CTNND2: variants seen among roughly 807,000 people sequenced by gnomAD.
CTNND2 encodes catenin delta-2.
In CTNND2, 22 loss-of-function variants were observed where a neutral mutation model predicts 144.4. The ratio of observed to expected loss-of-function variants is 0.15; its 90% CI spans 0.11 to 0.22. The LOEUF is 0.22. Ranked by LOEUF, CTNND2 falls within the 10% of genes least tolerant of loss-of-function variation. The pLI, the probability that CTNND2 is intolerant of heterozygous loss-of-function variation, is 1.00. For synonymous variants in CTNND2, 751 were observed against 695.6 expected (o/e 1.08, Z -1.25); for missense variants, 1,353 against 1,618.8 (o/e 0.84, Z 2.82).
At chr5:11,811,310 G>A (rs1479412078) in intron 1 of CTNND2, among the ~76,000 whole-genome samples, 1 of 152,084 alleles carries the variant, frequency 6.6e-6, no homozygotes, top group Admixed American at 6.6e-5. Context: ...TGCTGCCTTG[G>A]GGACTTAAAA....
At chr5:11,819,586 A>G (rs1011682265) in intron 1 of CTNND2, among the ~76,000 whole-genome samples, 1 of 152,248 alleles carries the variant, frequency 6.6e-6, no homozygotes, top group African/African-American at 2.4e-5. Context: ...TAGCTGTGAC[A>G]GCAGCAACTA....
intron 1 of CTNND2, among the ~76,000 whole-genome samples, chr5:11,813,780 C>A (rs1469841611): frequency 6.6e-6 from 1 of 152,196 alleles, no homozygotes; most frequent in African/African-American, 2.4e-5. Flanking sequence ...TCCCAAAGCA[C>A]TGGGATTAAA....
At chr5:11,457,488 A>G (rs1765837446) in intron 3 of CTNND2, among the ~76,000 whole-genome samples, 1 of 152,190 alleles carries the variant, frequency 6.6e-6, no homozygotes, top group Non-Finnish European at 1.5e-5. Context: ...TTTTAAGACA[A>G]TAAGAAATGA....
rs1197218474 is a variant in CTNND2, at chr5:11,384,801, G to A, written c.1041C>T (p.His347=). ...VQSTISSSPI[H]QLSSTIGTYA... ...ACGTGCCGATGGTGGAGCTCAGCTG[G>A]TGGATGGGCGAGGAGGAGATGGTGG... Residue 347 remains histidine (H), a synonymous_variant, in exon 7 of 22, where the codon CAC becomes CAT. Transcript: ENST00000304623. The surrounding 1 kb of genome is among the most constrained non-coding windows in gnomAD (Gnocchi z 5.2). 2 of 1,613,264 alleles carry A rather than the reference G, an allele frequency of 1.2e-6. No homozygotes were observed. The highest frequency in any genetic ancestry group is 1.3e-5 in the African/African-American group (1 of 74,904).
intron 11 of CTNND2, among the ~76,000 whole-genome samples, chr5:11,182,082 A>G (rs1197337892): frequency 1.8e-3 from 95 of 52,922 alleles, no homozygotes; most frequent in Admixed American, 2.3e-3. Flanking sequence ...TGTGTGTGGT[A>G]TGTGTGGGGT....
chr5:11,895,211 C>T (rs374017331), intron 1 of CTNND2, among the ~76,000 whole-genome samples: 5 of 152,306 alleles, frequency 3.3e-5, no homozygotes, highest in African/African-American at 1.2e-4. Flanking sequence ...CTTGCCTTTT[C>T]ACACAGTGAT....
intron 1 of CTNND2, among the ~76,000 whole-genome samples, chr5:11,844,614 C>A (rs1794645376): frequency 6.6e-6 from 1 of 151,816 alleles, no homozygotes; most frequent in African/African-American, 2.4e-5. Context: ...TCTGGCATAT[C>A]CCAGAACTCT....
chr5:11,498,722 T>C (rs1385498907), intron 3 of CTNND2, among the ~76,000 whole-genome samples: 4 of 152,252 alleles, frequency 2.6e-5, no homozygotes, highest in Non-Finnish European at 5.9e-5. Flanking sequence ...AATTTTTATA[T>C]TGCAAAAATG....
chr5:10,979,260 A>G (rs1461130917), intron 21 of CTNND2, among the ~76,000 whole-genome samples: 2 of 152,240 alleles, frequency 1.3e-5, no homozygotes, highest in Non-Finnish European at 2.9e-5. Flanking sequence ...CATTTCTAAT[A>G]CATTTTGTTT....
intron 11 of CTNND2, among the ~76,000 whole-genome samples, chr5:11,198,650 T>C (rs61751785): frequency 5.6e-4 from 86 of 152,334 alleles, no homozygotes; most frequent in African/African-American, 2.0e-3. Context: ...TGGGGTACTT[T>C]TTGATGAACT....
At chr5:11,152,328 G>A (rs188081009) in intron 12 of CTNND2, among the ~76,000 whole-genome samples, 57 of 152,260 alleles carry the variant, frequency 3.7e-4, no homozygotes, top group African/African-American at 1.3e-3. Context: ...GTATGGATAC[G>A]TTTAGATAGA....
intron 3 of CTNND2, among the ~76,000 whole-genome samples, chr5:11,496,961 T>C (rs900400424): frequency 6.6e-6 from 1 of 152,142 alleles, no homozygotes; most frequent in Admixed American, 6.5e-5. Flanking sequence ...CTGCCTGATA[T>C]CGGCATATTA....
rs182031647 is a variant in CTNND2, at chr5:11,153,655, G to A, written c.2159+5921C>T. Among the ~76,000 whole-genome samples, 112 of 152,250 alleles carry A rather than the reference G, an allele frequency of 7.4e-4. 1 individual carries two copies. Among genetic ancestry groups the A allele is most frequent in the African/African-American group, 2.6e-3 (106 of 41,546 alleles). On this transcript the variant is annotated intron_variant, in intron 12 of 21. Coordinates refer to ENST00000304623, the MANE Select transcript of CTNND2 (RefSeq NM_001332.4). ...TGAGGGTCTGAGTTTAATTACAATC[G>A]TAAGCAAAGGCACAGTGCAGATACT...
chr5:11,332,216 G>A (rs531176361), intron 9 of CTNND2, among the ~76,000 whole-genome samples: 16 of 151,284 alleles, frequency 1.1e-4, no homozygotes, highest in South Asian at 4.2e-4. Flanking sequence ...CGGAGGTTTC[G>A]GTGAGTGGAG....
At chr5:11,146,490 G>T (rs1433144919) in intron 12 of CTNND2, among the ~76,000 whole-genome samples, 3 of 152,062 alleles carry the variant, frequency 2.0e-5, no homozygotes, top group Admixed American at 6.5e-5. Context: ...CTAAGCTTCA[G>T]TTTTTTCTTA....
chr5:11,121,355 G>A (rs564621823), intron 12 of CTNND2, among the ~76,000 whole-genome samples: 8 of 152,260 alleles, frequency 5.3e-5, no homozygotes, highest in African/African-American at 1.9e-4. Flanking sequence ...TCATGAGGAA[G>A]GTGACTTCTA....
intron 2 of CTNND2, among the ~76,000 whole-genome samples, chr5:11,678,537 A>C (rs916270821): frequency 6.6e-6 from 1 of 152,196 alleles, no homozygotes; most frequent in African/African-American, 2.4e-5. Context: ...GACAATCATC[A>C]GCCTTCAATA....
intron 3 of CTNND2, 90 bp from the exon 4 acceptor site, chr5:11,412,159 A>C (rs1761596738): frequency 1.1e-6 from 1 of 924,666 alleles, no homozygotes. Context: ...ATATTAGGGT[A>C]GTAACAGTGG....
At chr5:11,188,008 T>G (rs1735819369) in intron 11 of CTNND2, among the ~76,000 whole-genome samples, 1 of 152,192 alleles carries the variant, frequency 6.6e-6, no homozygotes, top group Non-Finnish European at 1.5e-5. Context: ...CTGGTGGGAA[T>G]GTAAATTACT....
Sources: gnomAD v4.1 joint callset for allele counts (sites outside exome capture counted in the v4.1 genomes callset) on GRCh38, gnomAD v4.1.1 for gene constraint, Gnocchi (gnomAD v3.1) non-coding constraint, MANE v1.5 for transcripts, NCBI Gene and HGNC (gene_info 2026-07-23, HGNC 2026-07-21) for gene names.